ADARB1: variants seen among roughly 807,000 people sequenced by gnomAD.
ADARB1 encodes the protein double-stranded RNA-specific editase 1.
Under a neutral mutation model 52.4 loss-of-function variants are expected in ADARB1, and 10 were observed. The observed-to-expected ratio is 0.19, with a 90% CI of 0.12 to 0.32. The LOEUF (loss-of-function observed/expected upper bound fraction) is 0.32. ADARB1 is among the 10% of genes least tolerant of loss of function. The probability of loss-of-function intolerance (pLI) is 1.00; values close to 1 mark genes in which losing one functional copy is unlikely to be tolerated. For synonymous variants in ADARB1, 349 were observed against 371.1 expected (o/e 0.94, Z 0.68); for missense variants, 643 against 922.3 (o/e 0.70, Z 3.92).
intron 3 of ADARB1, 72 bp downstream of exon 3, chr21:45,171,756 T>C: frequency 7.1e-7 from 1 of 1,403,790 alleles, no homozygotes; most frequent in Non-Finnish European, 9.9e-7. Flanking sequence ...TTTGCAAATG[T>C]ATTTCATGAG....
chr21:45,140,859 G>A (rs900683917), intron 2 of ADARB1, among the ~76,000 whole-genome samples: 1 of 152,186 alleles, frequency 6.6e-6, no homozygotes, highest in African/African-American at 2.4e-5. Flanking sequence ...GGGGCTGATT[G>A]TGTTATGGAA....
rs1602104657 is a variant in ADARB1, at chr21:45,225,246, C to T, written c.*3049C>T. 4.4e-6 allele frequency: 5 copies of T among 1,125,380 alleles called. No individual in the cohort carries two copies. The highest frequency in any genetic ancestry group is 4.3e-6 in the Non-Finnish European group (4 of 920,702). 69.7% of individuals were successfully genotyped at this position (1,125,380 alleles called of 1,614,324 possible). A position where few individuals can be genotyped will look rare whatever the true frequency, so the allele number is the denominator to read the frequency against. On this transcript the variant is annotated 3_prime_UTR_variant, in exon 11 of 11. Coordinates refer to ENST00000348831, the MANE Select transcript of ADARB1 (RefSeq NM_001112.4). ...GGCAGCGACAGGTCCAGATGGATGT[C>T]GTCACCACCTTCCTCAGCTCTCATC...
chr21:45,095,535 CGCTGTTTCAGGGTTCTGCATCCT>C (rs1378575753), intron 1 of ADARB1, among the ~76,000 whole-genome samples: 9 of 152,278 alleles, frequency 5.9e-5, no homozygotes, highest in Non-Finnish European at 1.0e-4. Context: ...CTCTCCATCC[CGCTGTTTCAGGGTTCTGCATCCT>C]GCTGTTTCAG....
chr21:45,175,307 AATAAATAT>A (rs1247647843), intron 3 of ADARB1, among the ~76,000 whole-genome samples: 2 of 152,210 alleles, frequency 1.3e-5, no homozygotes, highest in African/African-American at 4.8e-5. Context: ...AAGATGCTAA[AATAAATAT>A]ATATTTATCC....
intron 1 of ADARB1, among the ~76,000 whole-genome samples, chr21:45,110,631 T>G (rs1036891714): frequency 3.9e-5 from 6 of 152,248 alleles, no homozygotes; most frequent in Non-Finnish European, 1.5e-5. Flanking sequence ...TCAATCCTTT[T>G]GGAAATTGTA....
intron 1 of ADARB1, among the ~76,000 whole-genome samples, chr21:45,079,086 TG>T (rs2086054845): frequency 6.6e-6 from 1 of 152,206 alleles, no homozygotes; most frequent in African/African-American, 2.4e-5. Flanking sequence ...GTTAGACTTT[TG>T]TGAAAGCTGG....
Position 45,224,790 on chromosome 21 carries a change from C to T in ADARB1, c.*2593C>T. 1.0e-6 allele frequency: 1 copy of T among 984,718 alleles called. No homozygotes were observed. The highest frequency in any genetic ancestry group is 1.2e-6 in the Non-Finnish European group (1 of 829,852). The allele number at this position is 984,718 out of a possible 1,614,324, so 61.0% of individuals were successfully genotyped here. The stretch of plus-strand genomic sequence containing the variant: ...CAGAGGCTCTGCACTGCTCCTAGGA[C>T]AGCTCATCTGTAATCAGAAAAAAAA... On this transcript the variant is annotated 3_prime_UTR_variant, in exon 11 of 11. Transcript: ENST00000348831.
At chr21:45,093,610 C>T (rs1223122267) in intron 1 of ADARB1, among the ~76,000 whole-genome samples, 2 of 152,202 alleles carry the variant, frequency 1.3e-5, no homozygotes, top group African/African-American at 4.8e-5. Flanking sequence ...GTCCTCTTCT[C>T]TCAGGAAGAG....
chr21:45,199,051 A>G (rs1365554695), intron 8 of ADARB1, among the ~76,000 whole-genome samples: 1 of 152,212 alleles, frequency 6.6e-6, no homozygotes, highest in East Asian at 1.9e-4. Flanking sequence ...AAAGACCTGC[A>G]GACCCATGGG....
At chr21:45,134,992 A>G (rs953086347) in intron 2 of ADARB1, among the ~76,000 whole-genome samples, 28 of 152,322 alleles carry the variant, frequency 1.8e-4, no homozygotes, top group Non-Finnish European at 2.9e-4. Flanking sequence ...GCCTGTGAGC[A>G]GATTCTGGGA....
chr21:45,143,736 A>G (rs1341865529), intron 2 of ADARB1, among the ~76,000 whole-genome samples: 1 of 152,254 alleles, frequency 6.6e-6, no homozygotes, highest in South Asian at 2.1e-4. Context: ...AGAACCTTCC[A>G]TCTTCCTTTC....
intron 2 of ADARB1, among the ~76,000 whole-genome samples, chr21:45,153,787 C>T (rs904967489): frequency 2.0e-5 from 3 of 152,222 alleles, no homozygotes; most frequent in Non-Finnish European, 4.4e-5. Context: ...ACCCTCGATG[C>T]TTTCCTGGAC....
intron 2 of ADARB1, among the ~76,000 whole-genome samples, chr21:45,155,140 T>C (rs2090488449): frequency 6.6e-6 from 1 of 152,238 alleles, no homozygotes; most frequent in African/African-American, 2.4e-5. Context: ...AAGACCACTG[T>C]CCTCTGGCAG....
In ADARB1 at chr21:45,222,384, G is replaced by A; in HGVS notation, c.*187G>A. Reference sequence around the variant, plus strand: ...ACCTGGGGCAGGTGCGCAGTGTGGGGAGGGGATGGGGTGCGTCAGGGCCCA... The same window carrying A: ...ACCTGGGGCAGGTGCGCAGTGTGGGAAGGGGATGGGGTGCGTCAGGGCCCA... On this transcript the variant is annotated 3_prime_UTR_variant, in exon 11 of 11. Coordinates refer to ENST00000348831, the MANE Select transcript of ADARB1 (RefSeq NM_001112.4). 7.5e-7 allele frequency: 1 copy of A among 1,341,042 alleles called. No homozygotes were observed. The highest frequency in any genetic ancestry group is 9.5e-7 in the Non-Finnish European group (1 of 1,052,940). The allele number at this position is 1,341,042 out of a possible 1,614,324, so 83.1% of individuals were successfully genotyped here.
intron 1 of ADARB1, among the ~76,000 whole-genome samples, chr21:45,112,634 G>A (rs17004737): frequency 0.018 from 2,723 of 152,304 alleles, 35 homozygotes; most frequent in South Asian, 0.053. Flanking sequence ...CTGCCCTGGT[G>A]TGAGGAGCTG....
intron 8 of ADARB1, among the ~76,000 whole-genome samples, chr21:45,190,253 C>G (rs1285848924): frequency 6.6e-6 from 1 of 152,010 alleles, no homozygotes; most frequent in Non-Finnish European, 1.5e-5. Context: ...ATTTTCAGTT[C>G]AGTTATTGTA....
At chr21:45,155,518 G>T (rs2090511792) in intron 2 of ADARB1, among the ~76,000 whole-genome samples, 1 of 151,942 alleles carries the variant, frequency 6.6e-6, no homozygotes, top group African/African-American at 2.4e-5. Flanking sequence ...ACTCATTGTA[G>T]TCCATCCATC....
In ADARB1 at chr21:45,144,831, C is replaced by T. The variant is rs528412239; in HGVS notation, c.-48+16258C>T. ...TAGGATACTGCTTGTCCTGTCATGCCGGGAGAGTCTAAATTACTCTGACTT... is the reference window on the plus strand; with the variant it reads ...TAGGATACTGCTTGTCCTGTCATGCTGGGAGAGTCTAAATTACTCTGACTT... On this transcript the variant is annotated intron_variant, in intron 2 of 10. Coordinates refer to ENST00000348831, the MANE Select transcript of ADARB1 (RefSeq NM_001112.4). The T allele has an allele frequency of 3.0e-5, 7 of 230,500 alleles. No homozygotes were observed. The East Asian group carries it at 5.9e-4, about 20-fold the overall frequency. The allele number at this position is 230,500 out of a possible 1,614,324, so 14.3% of individuals were successfully genotyped here.
chr21:45,139,120 T>C (rs1195033772), intron 2 of ADARB1, among the ~76,000 whole-genome samples: 1 of 152,032 alleles, frequency 6.6e-6, no homozygotes, highest in African/African-American at 2.4e-5. Flanking sequence ...GGGGTTTTGC[T>C]GTGTTGCCCA....
Sources: gnomAD v4.1 joint callset for allele counts (sites outside exome capture counted in the v4.1 genomes callset) on GRCh38, gnomAD v4.1.1 for gene constraint, MANE v1.5 for transcripts, NCBI Gene and HGNC (gene_info 2026-07-23, HGNC 2026-07-21) for gene names.